FZR1: variants seen among roughly 807,000 people sequenced by gnomAD.
FZR1 encodes the protein fizzy-related protein homolog.
In FZR1, 11 loss-of-function variants were observed where a neutral mutation model predicts 63.6. The ratio of observed to expected loss-of-function variants is 0.17; its 90% CI spans 0.11 to 0.29. FZR1 has a LOEUF of 0.29. FZR1 is among the 10% of genes least tolerant of loss of function. The probability of loss-of-function intolerance (pLI) is 1.00; values close to 1 mark genes in which losing one functional copy is unlikely to be tolerated. For missense variants in FZR1, 440 were observed against 687.5 expected (o/e 0.64, Z 4.03); for synonymous variants, 328 against 297.9 (o/e 1.10, Z -1.04).
At chr19:3,510,783 G>A (rs948425000) in intron 1 of FZR1, among the ~76,000 whole-genome samples, 4 of 152,236 alleles carry the variant, frequency 2.6e-5, no homozygotes. Context: ...CACAGGCACT[G>A]GGCAACACCT....
rs1327582913 is a variant in FZR1 at position 3,526,462 on chromosome 19, G to C, written c.387+76G>C. ...CCGGCCCCCCACCTCCCAGGCACCA[G>C]CTCTGCCTCCCCGAGCCCGGTTCTC... On this transcript the variant is annotated intron_variant, in intron 5 of 13. Transcript: ENST00000441788. The surrounding 1 kb of genome is among the most constrained non-coding windows in gnomAD (Gnocchi z 5.4). 3 of 1,233,018 alleles carry C rather than the reference G, an allele frequency of 2.4e-6. No homozygotes were observed. The highest frequency in any genetic ancestry group is 3.4e-6 in the Non-Finnish European group (3 of 882,222). 76.4% of individuals were successfully genotyped at this position (1,233,018 alleles called of 1,614,324 possible). A position where few individuals can be genotyped will look rare whatever the true frequency, so the allele number is the denominator to read the frequency against.
At chr19:3,534,261 GT>G in intron 12 of FZR1, 159 bp from the exon 13 acceptor site, 1 of 472,908 alleles carries the variant, frequency 2.1e-6, no homozygotes. Flanking sequence ...TCCAACCTTG[GT>G]TTCTGCTTGT....
rs569003447 is a variant in FZR1, at chr19:3,516,736, C to T, written c.-34-6220C>T. ...TCTCAGGCTGCTGGGCAGGCCTGGG[C>T]CCTGTGGTTTTGCCCACCAGCCTTG... On this transcript the variant is annotated intron_variant, in intron 1 of 13. Transcript: ENST00000441788. This position sits in a 1 kb window ranked among gnomAD's most constrained non-coding sequence, Gnocchi z 6.0. Among the ~76,000 whole-genome samples, 2 of 152,340 alleles carry T rather than the reference C, an allele frequency of 1.3e-5. No homozygotes were observed. The highest frequency in any genetic ancestry group is 1.3e-4 in the Admixed American group (2 of 15,304).
intron 8 of FZR1, among the ~76,000 whole-genome samples, chr19:3,531,317 C>T (rs113594003): frequency 0.015 from 2,292 of 152,276 alleles, 62 homozygotes; most frequent in African/African-American, 0.048. Context: ...CGTGTGCGCT[C>T]ACCCTCCCTC....
intron 2 of FZR1, 108 bp downstream of exon 2, chr19:3,523,166 C>G (rs2083119718): frequency 1.3e-6 from 1 of 781,310 alleles, no homozygotes; most frequent in African/African-American, 1.7e-5. Context: ...CCACGGACCA[C>G]TCAGGTCCCA....
At chr19:3,521,775 C>T (rs1196992830) in intron 1 of FZR1, among the ~76,000 whole-genome samples, 2 of 152,154 alleles carry the variant, frequency 1.3e-5, no homozygotes, top group Non-Finnish European at 2.9e-5. Context: ...GTTGGGATTA[C>T]AGGCGTGAGC....
At chr19:3,507,480 T>C (rs960741808) in intron 1 of FZR1, among the ~76,000 whole-genome samples, 4 of 151,918 alleles carry the variant, frequency 2.6e-5, no homozygotes. Flanking sequence ...TCCCCTGTTT[T>C]CTCCACCCCA....
In FZR1 at chr19:3,526,049, C is replaced by T. The variant is rs1342412586; in HGVS notation, c.195+56C>T. The T allele has an allele frequency of 6.2e-7, 1 of 1,611,802 alleles. No homozygotes were observed. Among genetic ancestry groups the T allele is most frequent in the South Asian group, 1.1e-5 (1 of 91,064 alleles). On this transcript the variant is annotated intron_variant, in intron 3 of 13. Coordinates refer to ENST00000441788, the MANE Select transcript of FZR1 (RefSeq NM_016263.4). This position sits in a 1 kb window ranked among gnomAD's most constrained non-coding sequence, Gnocchi z 5.4. ...CCCCCGGGAAGCCCAGGGCCCCTCC[C>T]AGCCTCCTTGCTCTAGGGCCGGGAA...
intron 7 of FZR1, among the ~76,000 whole-genome samples, chr19:3,529,771 CGGATGCGAGAGT>C (rs917590308): frequency 1.0e-5 from 1 of 96,894 alleles, no homozygotes; most frequent in African/African-American, 4.7e-5. Context: ...CATGGGTGAG[CGGATGCGAGAGT>C]GGATGAGAGT....
In FZR1 at chr19:3,530,115, GATGGGTGAGCGGATGGGAGAGCGC is replaced by G. The variant is rs1322860747; in HGVS notation, c.655-666_655-643del. On this transcript the variant is annotated intron_variant, in intron 7 of 13. Transcript: ENST00000441788. Reference sequence around the variant, plus strand: ...GTGGATGAGAGTGGTTGAGGGAGCGGATGGGTGAGCGGATGGGAGAGCGCATGGGTGAGCAGATGCAAGAGTGGA... The same window carrying G: ...GTGGATGAGAGTGGTTGAGGGAGCGGATGGGTGAGCAGATGCAAGAGTGGA... Among the ~76,000 whole-genome samples, 85 of 127,332 alleles carry G rather than the reference GATGGGTGAGCGGATGGGAGAGCGC, an allele frequency of 6.7e-4. 5 individuals carry two copies. The highest frequency in any genetic ancestry group is 2.4e-3 in the African/African-American group (79 of 32,628). 83.5% of individuals were successfully genotyped at this position (127,332 alleles called of 152,430 possible).
At chr19:3,520,920 C>T (rs778265758) in intron 1 of FZR1, among the ~76,000 whole-genome samples, 4 of 152,216 alleles carry the variant, frequency 2.6e-5, no homozygotes, top group African/African-American at 7.2e-5. Flanking sequence ...GGTGTCGCCT[C>T]GGCCCTTCTG....
Position 3,516,931 on chromosome 19 carries a change from G to A in FZR1, c.-34-6025G>A, listed in dbSNP as rs769199014. ...GGGGCCGTGTGCAGCTGCAGCTGGC[G>A]CCCGGTGTATTTGCTTTCAGTGCTG... On this transcript the variant is annotated intron_variant, in intron 1 of 13. Transcript: ENST00000441788. The surrounding 1 kb of genome is among the most constrained non-coding windows in gnomAD (Gnocchi z 6.0). Among the ~76,000 whole-genome samples the A allele has an allele frequency of 1.8e-4, 28 of 152,358 alleles. 1 individual carries two copies. Among genetic ancestry groups the A allele is most frequent in the Admixed American group, 2.6e-4 (4 of 15,306 alleles).
rs372615397 is a variant in FZR1, at chr19:3,529,820, A to G, written c.655-972A>G. 1.4e-3 allele frequency among the ~76,000 whole-genome samples: 110 copies of G among 79,476 alleles called. 6 individuals carry two copies. The highest frequency in any genetic ancestry group is 9.2e-3 in the African/African-American group (106 of 11,532). The allele number at this position is 79,476 out of a possible 152,430, so 52.1% of individuals were successfully genotyped here. A position where few individuals can be genotyped will look rare whatever the true frequency, so the allele number is the denominator to read the frequency against. ...GTTGAGGGAGTGGATGGTTGAGTGG[A>G]TGGGTGAGCGGATGGGTGAGCGGGT... is the stretch of plus-strand genomic sequence containing the variant. On this transcript the variant is annotated intron_variant, in intron 7 of 13. Coordinates refer to ENST00000441788, the MANE Select transcript of FZR1 (RefSeq NM_016263.4).
At chr19:3,530,750 T>C in intron 7 of FZR1, 42 bp from the exon 8 acceptor site, 1 of 1,535,850 alleles carries the variant, frequency 6.5e-7, no homozygotes, top group Non-Finnish European at 9.0e-7. Context: ...AGACTGGGGC[T>C]TCGAGACCAG....
chr19:3,529,861 T>A (rs371952336), intron 7 of FZR1, among the ~76,000 whole-genome samples: 99 of 23,992 alleles, frequency 4.1e-3, no homozygotes, highest in Middle Eastern at 0.031. Flanking sequence ...AGCGGGTGGG[T>A]GAGCGGGTGG....
At position 3,527,822 on chromosome 19, in the gene FZR1, C is replaced by G; in HGVS notation, c.654+8C>G. 6.2e-7 allele frequency: 1 copy of G among 1,603,100 alleles called. No individual in the cohort carries two copies. The highest frequency in any genetic ancestry group is 8.5e-7 in the Non-Finnish European group (1 of 1,172,402). ...AGTGCCTGTACCAGCCAGGTGGGTG[C>G]TGCGTGGGGTGTGCATGTGCATGGG... On this transcript the variant is annotated splice_region_variant and intron_variant, in intron 7 of 13. Transcript: ENST00000441788.
rs943211305 is a variant in FZR1 at position 3,531,677 on chromosome 19, C to T, written c.721-37C>T. On this transcript the variant is annotated intron_variant, in intron 8 of 13. Coordinates refer to ENST00000441788, the MANE Select transcript of FZR1 (RefSeq NM_016263.4). ...GGACGGGCACAGTCCCCGGGCCAGA[C>T]CTGACACCGGTGCTCTGCCCATGCC... 1.3e-5 allele frequency: 18 copies of T among 1,437,968 alleles called. No individual in the cohort carries two copies. In the African/African-American group the frequency reaches 2.3e-4, roughly 18 times the overall value. The allele number at this position is 1,437,968 out of a possible 1,614,324, so 89.1% of individuals were successfully genotyped here.
intron 12 of FZR1, 151 bp from the exon 13 acceptor site, chr19:3,534,270 T>C (rs2369190): frequency 0.52 from 253,940 of 486,096 alleles, 73,541 homozygotes; most frequent in East Asian, 0.84. Context: ...GGTTTCTGCT[T>C]GTGGTGGCCC....
chr19:3,530,492 G>A (rs1331824346), intron 7 of FZR1, among the ~76,000 whole-genome samples: 2 of 147,628 alleles, frequency 1.4e-5, no homozygotes, highest in Non-Finnish European at 3.0e-5. Context: ...GCATGGGTGA[G>A]CGGATGCAAG....
Sources: allele counts gnomAD v4.1 joint callset (sites outside exome capture counted in the v4.1 genomes callset), GRCh38; gene constraint gnomAD v4.1.1; non-coding constraint Gnocchi (gnomAD v3.1); transcripts MANE v1.5; gene names NCBI Gene and HGNC (gene_info 2026-07-23, HGNC 2026-07-21).